Variants in VIPAS39 observed in about 807,000 individuals in gnomAD.
VIPAS39 encodes spermatogenesis-defective protein 39 homolog.
A neutral mutation model predicts 84.7 loss-of-function variants in VIPAS39; 63 were observed. That is an observed-to-expected ratio of 0.74 (90% confidence interval 0.61 to 0.92). The LOEUF (loss-of-function observed/expected upper bound fraction) is 0.92, where lower values mean the gene tolerates loss of function less well. Among genes scored for constraint, VIPAS39 ranks in the 40% least tolerant of loss-of-function variants. The pLI, the probability that VIPAS39 is intolerant of heterozygous loss-of-function variation, is 0.00. For missense variants in VIPAS39, 499 were observed against 604.5 expected (o/e 0.83, Z 1.83); for synonymous variants, 192 against 216.5 (o/e 0.89, Z 0.99).
rs556810133 is a variant in VIPAS39 at position 77,437,193 on chromosome 14, C to T, written c.836+615G>A. Among the ~76,000 whole-genome samples, 13 of 152,292 alleles carry T rather than the reference C, an allele frequency of 8.5e-5. No individual in the cohort carries two copies. In the South Asian group the frequency reaches 2.5e-3, roughly 29 times the overall value. ...AGCAAGGACTACTGGGTAGACTCTA[C>T]ACCTGTCTTGAAAGATACAGGGAAG... is the stretch of plus-strand genomic sequence containing the variant. On this transcript the variant is annotated intron_variant, in intron 12 of 19. Coordinates refer to ENST00000557658, the MANE Select transcript of VIPAS39 (RefSeq NM_001193315.2).
Position 77,443,632 on chromosome 14 carries a change from C to T in VIPAS39, c.598-480G>A, listed in dbSNP as rs556459597. Among the ~76,000 whole-genome samples the T allele has an allele frequency of 6.0e-4, 92 of 152,152 alleles. 1 individual carries two copies. The highest frequency in any genetic ancestry group is 2.9e-5 in the Non-Finnish European group (2 of 68,008). On this transcript the variant is annotated intron_variant, in intron 8 of 19. Coordinates refer to ENST00000557658, the MANE Select transcript of VIPAS39 (RefSeq NM_001193315.2). Reference sequence around the variant, plus strand: ...AGGCAAGGCCAAGCGTGGTAGCTCACGCCTATAATCCCAGCTCTTTGGGAG... The same window carrying T: ...AGGCAAGGCCAAGCGTGGTAGCTCATGCCTATAATCCCAGCTCTTTGGGAG...
chr14:77,432,359 A>C (rs1314493373), intron 16 of VIPAS39, among the ~76,000 whole-genome samples: 2 of 152,186 alleles, frequency 1.3e-5, no homozygotes, highest in Non-Finnish European at 2.9e-5. Context: ...AAAACAGTAT[A>C]GGCGTTCCTC....
intron 1 of VIPAS39, among the ~76,000 whole-genome samples, chr14:77,455,739 C>T (rs1041715225): frequency 1.3e-5 from 2 of 152,198 alleles, no homozygotes; most frequent in Non-Finnish European, 2.9e-5. Context: ...AGATACTCTA[C>T]TGTTACTTCC....
chr14:77,453,446 T>C (rs1489609718), intron 2 of VIPAS39, 45 bp from the exon 3 acceptor site: 1 of 1,562,234 alleles, frequency 6.4e-7, no homozygotes, highest in African/African-American at 1.4e-5. Flanking sequence ...AATCATCATT[T>C]CCCACCTCTC....
In VIPAS39 at chr14:77,451,333, C is replaced by T. The variant is rs1289785482; in HGVS notation, c.197G>A (p.Ser66Asn). Residue 66 changes from serine (S) to asparagine (N), a missense_variant and splice_region_variant, in exon 4 of 20, where the codon AGT becomes AAT. Ser to Asn is a conservative substitution (Grantham distance 46, BLOSUM62 1). Coordinates refer to ENST00000557658, the MANE Select transcript of VIPAS39 (RefSeq NM_001193315.2). The stretch of plus-strand genomic sequence containing the variant: ...AGTCTCTCTGATGGACCATGAGATA[C>T]CTGTGAGATAGTAAGAACTACATCA... ...RVSWSGEPVGSISWSIRETAG... is the reference protein window; with the variant it reads ...RVSWSGEPVGNISWSIRETAG... 1.9e-6 allele frequency: 3 copies of T among 1,614,042 alleles called. No homozygotes were observed. The highest frequency in any genetic ancestry group is 1.7e-5 in the Admixed American group (1 of 59,996).
chr14:77,437,929 A>G, intron 11 of VIPAS39, 48 bp from the exon 12 acceptor site: 1 of 1,577,526 alleles, frequency 6.3e-7, no homozygotes, highest in Non-Finnish European at 8.7e-7. Flanking sequence ...TCCTTAGATG[A>G]GGGAGATAGC....
chr14:77,435,792 C>G, intron 13 of VIPAS39, 52 bp downstream of exon 13: 2 of 1,580,756 alleles, frequency 1.3e-6, no homozygotes. Flanking sequence ...AGATGCTGAA[C>G]GGCACTGAGC....
At chr14:77,435,501 A>G in intron 13 of VIPAS39, 108 bp from the exon 14 acceptor site, 4 of 1,432,970 alleles carry the variant, frequency 2.8e-6, no homozygotes, top group Non-Finnish European at 3.8e-6. Context: ...ACCCTAGGAG[A>G]GAAACAAAGA....
At chr14:77,454,518 T>C (rs1035769859) in intron 1 of VIPAS39, among the ~76,000 whole-genome samples, 1 of 151,806 alleles carries the variant, frequency 6.6e-6, no homozygotes, top group Non-Finnish European at 1.5e-5. Context: ...CTACTAAAAA[T>C]ACAAAATTAG....
At chr14:77,454,692 A>AG (rs66957436) in intron 1 of VIPAS39, among the ~76,000 whole-genome samples, 3 of 150,978 alleles carry the variant, frequency 2.0e-5, no homozygotes, top group African/African-American at 7.3e-5. Flanking sequence ...AAAAAAAAAA[A>AG]GTGTCAGACG....
At chr14:77,432,272 T>C (rs1378172924) in intron 16 of VIPAS39, among the ~76,000 whole-genome samples, 1 of 151,940 alleles carries the variant, frequency 6.6e-6, no homozygotes, top group African/African-American at 2.4e-5. Flanking sequence ...AGATAACAAG[T>C]GTTGGCAAGG....
chr14:77,442,751 T>C lies in VIPAS39; in HGVS notation c.632-89A>G, dbSNP rs143951355. Reference sequence around the variant, plus strand: ...TCTCCCTACTCACACATTCCAAATATTATCTCATCAAACCCTAACAAAAGC... The same window carrying C: ...TCTCCCTACTCACACATTCCAAATACTATCTCATCAAACCCTAACAAAAGC... On this transcript the variant is annotated intron_variant, in intron 9 of 19. Transcript: ENST00000557658. 215 of 1,168,030 alleles carry C rather than the reference T, an allele frequency of 1.8e-4. No individual in the cohort carries two copies. In the African/African-American group the frequency reaches 2.8e-3, roughly 15 times the overall value. 72.4% of individuals were successfully genotyped at this position (1,168,030 alleles called of 1,614,324 possible).
chr14:77,441,118 G>C, intron 10 of VIPAS39, 25 bp from the exon 11 acceptor site: 1 of 1,612,294 alleles, frequency 6.2e-7, no homozygotes, highest in Non-Finnish European at 8.5e-7. Flanking sequence ...AAGGGAGCAG[G>C]GCATTTGTAT....
intron 2 of VIPAS39, among the ~76,000 whole-genome samples, 174 bp downstream of exon 2, chr14:77,453,836 A>G (rs955836388): frequency 3.3e-5 from 5 of 152,204 alleles, no homozygotes; most frequent in African/African-American, 1.2e-4. Flanking sequence ...GGAATAAATC[A>G]TCTTAAAAAG....
intron 17 of VIPAS39, among the ~76,000 whole-genome samples, 178 bp downstream of exon 17, chr14:77,429,503 G>C (rs1179987129): frequency 6.6e-6 from 1 of 152,198 alleles, no homozygotes; most frequent in Non-Finnish European, 1.5e-5. Flanking sequence ...GTTTCTAAAG[G>C]GGAGAAAGGG....
Position 77,454,654 on chromosome 14 carries a change from A to G in VIPAS39, c.1-552T>C, listed in dbSNP as rs2078933574. 2.1e-5 allele frequency among the ~76,000 whole-genome samples: 3 copies of G among 146,328 alleles called. 1 individual carries two copies. The Admixed American group carries it at 2.1e-4, about 10-fold the overall frequency. On this transcript the variant is annotated intron_variant, in intron 1 of 19. Transcript: ENST00000557658. ...GCACCATTGCACTCCAGCCTGGGCA[A>G]CAAGAGCGAAACTCCGTCTCCAAAA... is the stretch of plus-strand genomic sequence containing the variant.
intron 13 of VIPAS39, 52 bp downstream of exon 13, chr14:77,435,792 C>T (rs976685347): frequency 2.2e-5 from 35 of 1,580,634 alleles, no homozygotes; most frequent in Middle Eastern, 1.7e-4. Context: ...AGATGCTGAA[C>T]GGCACTGAGC....
intron 7 of VIPAS39, among the ~76,000 whole-genome samples, chr14:77,445,254 C>T (rs1250327074): frequency 6.6e-6 from 1 of 152,220 alleles, no homozygotes; most frequent in African/African-American, 2.4e-5. Context: ...CCACCATGCC[C>T]AGCCAGTATC....
rs943921031 is a variant in VIPAS39, at chr14:77,457,531, C to G, written c.-37G>C. 1.3e-6 allele frequency: 1 copy of G among 779,724 alleles called. No individual in the cohort carries two copies. Among genetic ancestry groups the G allele is most frequent in the African/African-American group, 1.7e-5 (1 of 57,500 alleles). The allele number at this position is 779,724 out of a possible 1,614,324, so 48.3% of individuals were successfully genotyped here. ...AGAGCCCTCCCTCTCAGGACAGCGC[C>G]AGCCTCCGCCGCCGCTGGACCAGCC... On this transcript the variant is annotated 5_prime_UTR_variant, in exon 1 of 20. Coordinates refer to ENST00000557658, the MANE Select transcript of VIPAS39 (RefSeq NM_001193315.2).
Sources: gnomAD v4.1 joint callset for allele counts (sites outside exome capture counted in the v4.1 genomes callset) on GRCh38, gnomAD v4.1.1 for gene constraint, MANE v1.5 for transcripts, NCBI Gene and HGNC (gene_info 2026-07-23, HGNC 2026-07-21) for gene names.